ARHGAP8: variants seen among roughly 807,000 people sequenced by gnomAD.
The protein encoded by ARHGAP8 is rho GTPase-activating protein 8.
ARHGAP8 carries 62 observed loss-of-function variants against 46.1 expected under a neutral mutation model. That is an observed-to-expected ratio of 1.34 (90% CI 1.10 to 1.66). The LOEUF is 1.66. Ranked by LOEUF, ARHGAP8 falls within the 40% of genes most tolerant of loss-of-function variation. ARHGAP8 has a pLI of 0.00. For synonymous variants in ARHGAP8, 375 were observed against 243.1 expected (o/e 1.54, Z -5.05); for missense variants, 923 against 568.4 (o/e 1.62, Z -6.34).
At chr22:44,858,496 T>G (rs1281552080) in intron 10 of ARHGAP8, among the ~76,000 whole-genome samples, 1 of 140,924 alleles carries the variant, frequency 7.1e-6, no homozygotes, top group East Asian at 2.0e-4. Flanking sequence ...GCCTCCCATG[T>G]AGCTCTGGGA....
At chr22:44,861,894 C>T (rs943529911) in intron 11 of ARHGAP8, among the ~76,000 whole-genome samples, 2 of 152,298 alleles carry the variant, frequency 1.3e-5, no homozygotes, top group South Asian at 2.1e-4. Context: ...GGCTGGTCCC[C>T]ATCATGCCCA....
intron 1 of ARHGAP8, among the ~76,000 whole-genome samples, chr22:44,757,359 C>A (rs1045834877): frequency 7.9e-5 from 12 of 151,990 alleles, no homozygotes; most frequent in African/African-American, 2.9e-4. Flanking sequence ...CTCACTGCAA[C>A]CTCCGCGTCC....
chr22:44,771,036 T>C (rs1321884555), intron 1 of ARHGAP8, among the ~76,000 whole-genome samples: 1 of 152,220 alleles, frequency 6.6e-6, no homozygotes, highest in Non-Finnish European at 1.5e-5. Context: ...TTCACTGTTA[T>C]AAATTTGGCA....
chr22:44,803,295 GGTT>G (rs552709673), intron 3 of ARHGAP8, among the ~76,000 whole-genome samples: 66 of 152,264 alleles, frequency 4.3e-4, no homozygotes, highest in African/African-American at 1.5e-3. Context: ...AGAAAATCAA[GGTT>G]GTTGTTAGTT....
chr22:44,785,795 CT>C (rs1358861258), intron 1 of ARHGAP8, among the ~76,000 whole-genome samples: 1 of 152,200 alleles, frequency 6.6e-6, no homozygotes, highest in Non-Finnish European at 1.5e-5. Flanking sequence ...GGAGGGCAGC[CT>C]TTTCTTTCTT....
intron 8 of ARHGAP8, 105 bp downstream of exon 8, chr22:44,845,447 C>G: frequency 1.3e-6 from 2 of 1,505,274 alleles, no homozygotes; most frequent in Non-Finnish European, 1.8e-6. Flanking sequence ...GGGGTGTGAC[C>G]AGGAAGGGAG....
intron 1 of ARHGAP8, among the ~76,000 whole-genome samples, chr22:44,761,131 T>C (rs1925099893): frequency 6.6e-6 from 1 of 152,234 alleles, no homozygotes; most frequent in Non-Finnish European, 1.5e-5. Context: ...AATCCAGGCA[T>C]GGGCTTGGTC....
chr22:44,833,681 T>G (rs1277728557), intron 7 of ARHGAP8, among the ~76,000 whole-genome samples: 1 of 152,210 alleles, frequency 6.6e-6, no homozygotes, highest in Non-Finnish European at 1.5e-5. Flanking sequence ...CAGAATGAGT[T>G]GGGAAGTGTT....
chr22:44,764,458 C>T (rs890385024), intron 1 of ARHGAP8, among the ~76,000 whole-genome samples: 11 of 152,068 alleles, frequency 7.2e-5, no homozygotes, highest in South Asian at 4.1e-4. Flanking sequence ...TGCGGTGGTC[C>T]GGGGTGGTGG....
chr22:44,862,561 C>G lies in ARHGAP8; in HGVS notation c.1268C>G (p.Pro423Arg), dbSNP rs573395597. ...GGCCTCACCAAGCCTACCCTACCTC[C>G]GAGTCCCCTGATGGCAGCCAGAAGA... ...ATGLTKPTLP[P>R]SPLMAARRRL The change falls in exon 12 of 12, where the codon CCG becomes CGG. Residue 423 changes from proline (P) to arginine (R), a missense_variant. Physicochemically the swap from Pro to Arg is moderately radical, Grantham distance 103. Coordinates refer to ENST00000356099, the MANE Select transcript of ARHGAP8 (RefSeq NM_181335.3). 6.3e-7 allele frequency: 1 copy of G among 1,596,754 alleles called. No individual in the cohort carries two copies. Among genetic ancestry groups the G allele is most frequent in the Non-Finnish European group, 8.6e-7 (1 of 1,166,930 alleles).
intron 7 of ARHGAP8, among the ~76,000 whole-genome samples, chr22:44,835,231 C>A (rs1166247413): frequency 6.8e-6 from 1 of 146,880 alleles, no homozygotes; most frequent in East Asian, 2.0e-4. Flanking sequence ...GTTTCTTTTG[C>A]TATATATATA....
chr22:44,800,557 G>T lies in ARHGAP8; in HGVS notation c.80-1520G>T, dbSNP rs1336891369. On this transcript the variant is annotated intron_variant, in intron 2 of 11. Coordinates refer to ENST00000356099, the MANE Select transcript of ARHGAP8 (RefSeq NM_181335.3). ...CCCTCCCCGCAGCTGTCCATGTGTG[G>T]GGGGCGCCCCTCCCCGCAGCTGTCC... 3.5e-5 allele frequency among the ~76,000 whole-genome samples: 5 copies of T among 142,540 alleles called. No homozygotes were observed. The East Asian group carries it at 1.1e-3, about 31-fold the overall frequency. 93.5% of individuals were successfully genotyped at this position (142,540 alleles called of 152,430 possible).
intron 1 of ARHGAP8, among the ~76,000 whole-genome samples, chr22:44,759,709 G>A (rs78000128): frequency 0.019 from 2,885 of 152,308 alleles, 81 homozygotes; most frequent in African/African-American, 0.055. Context: ...GGGGCCTGAA[G>A]GGAGATGGTC....
rs1388151383 is a variant in ARHGAP8, at chr22:44,859,523, A to G, written c.878-208A>G. 3.4e-5 allele frequency: 20 copies of G among 592,996 alleles called. No homozygotes were observed. In the South Asian group the frequency reaches 3.9e-4, roughly 11 times the overall value. 36.7% of individuals were successfully genotyped at this position (592,996 alleles called of 1,614,324 possible). ...GCCAGTTAAACCTCTTTTCTTATAA[A>G]TAACCCCATCTCAGCAAGAATAGCC... On this transcript the variant is annotated intron_variant, in intron 10 of 11. Coordinates refer to ENST00000356099, the MANE Select transcript of ARHGAP8 (RefSeq NM_181335.3).
intron 5 of ARHGAP8, among the ~76,000 whole-genome samples, chr22:44,819,970 C>T (rs2025329128): frequency 6.6e-6 from 1 of 152,198 alleles, no homozygotes; most frequent in Non-Finnish European, 1.5e-5. Context: ...GGCTCTGGAG[C>T]CCAGATTGGG....
At position 44,795,990 on chromosome 22, in the gene ARHGAP8, A is replaced by G. The variant is rs376835125; in HGVS notation, c.80-6087A>G. ...ACTCCTTTCCATGTCTGCAGCCTCCACTGGCCTTGCTGTAGGCTGTCCCTC... is the reference window on the plus strand; with the variant it reads ...ACTCCTTTCCATGTCTGCAGCCTCCGCTGGCCTTGCTGTAGGCTGTCCCTC... On this transcript the variant is annotated intron_variant, in intron 2 of 11. Coordinates refer to ENST00000356099, the MANE Select transcript of ARHGAP8 (RefSeq NM_181335.3). Among the ~76,000 whole-genome samples, 552 of 152,084 alleles carry G rather than the reference A, an allele frequency of 3.6e-3. 7 individuals carry two copies. The highest frequency in any genetic ancestry group is 0.013 in the African/African-American group (535 of 41,480).
At chr22:44,854,709 G>A (rs1038788815) in intron 10 of ARHGAP8, among the ~76,000 whole-genome samples, 1 of 152,174 alleles carries the variant, frequency 6.6e-6, no homozygotes, top group African/African-American at 2.4e-5. Flanking sequence ...CACCATCTCA[G>A]CTCACTGCAA....
intron 5 of ARHGAP8, among the ~76,000 whole-genome samples, chr22:44,814,997 C>A (rs1266021343): frequency 6.6e-6 from 1 of 152,118 alleles, no homozygotes; most frequent in Non-Finnish European, 1.5e-5. Context: ...TTTAAAAGCC[C>A]CCCTTTGCCT....
intron 1 of ARHGAP8, among the ~76,000 whole-genome samples, chr22:44,783,918 A>G (rs372815501): frequency 1.3e-5 from 2 of 152,060 alleles, no homozygotes; most frequent in Admixed American, 6.6e-5. Flanking sequence ...TCCTTGACTC[A>G]GCCCTTCCTG....
Sources: allele counts gnomAD v4.1 joint callset (sites outside exome capture counted in the v4.1 genomes callset), GRCh38; gene constraint gnomAD v4.1.1; transcripts MANE v1.5; gene names NCBI Gene and HGNC (gene_info 2026-07-23, HGNC 2026-07-21).